The following KNDC1 variants were observed in gnomAD, a reference collection of about 807,000 sequenced individuals.
KNDC1 encodes kinase non-catalytic C-lobe domain-containing protein 1.
In KNDC1, 106 loss-of-function variants were observed where a neutral mutation model predicts 172.8. The ratio of observed to expected loss-of-function variants is 0.61; its 90% confidence interval spans 0.52 to 0.72. KNDC1 has a LOEUF of 0.72. Among genes scored for constraint, KNDC1 ranks in the 30% least tolerant of loss-of-function variants. The pLI, the probability that KNDC1 is intolerant of heterozygous loss-of-function variation, is 0.00. For missense variants in KNDC1, 2,325 were observed against 2,394.5 expected (o/e 0.97, Z 0.61); for synonymous variants, 1,083 against 1,062.2 (o/e 1.02, Z -0.38).
chr10:133,188,925 T>G (rs1272249627), intron 7 of KNDC1, among the ~76,000 whole-genome samples: 1 of 150,866 alleles, frequency 6.6e-6, no homozygotes, highest in Non-Finnish European at 1.5e-5. Context: ...CCGAGGGAGG[T>G]GTGGGGACAG....
intron 9 of KNDC1, among the ~76,000 whole-genome samples, chr10:133,192,417 G>C (rs1854089173): frequency 1.3e-5 from 2 of 152,186 alleles, no homozygotes; most frequent in African/African-American, 2.4e-5. Flanking sequence ...ATGATACCAA[G>C]AATCAGGAAG....
intron 6 of KNDC1, 92 bp downstream of exon 6, chr10:133,186,766 C>T (rs1435213000): frequency 1.2e-6 from 1 of 868,624 alleles, no homozygotes. Context: ...CTTTGTTTAA[C>T]TCAGAGAATT....
At chr10:133,188,168 C>A (rs1354783768) in intron 6 of KNDC1, among the ~76,000 whole-genome samples, 1 of 152,190 alleles carries the variant, frequency 6.6e-6, no homozygotes, top group Non-Finnish European at 1.5e-5. Context: ...TATTTCGAGC[C>A]GTGCTGCTGG....
intron 6 of KNDC1, among the ~76,000 whole-genome samples, chr10:133,187,382 G>T (rs555372862): frequency 6.6e-6 from 1 of 152,370 alleles, no homozygotes; most frequent in East Asian, 1.9e-4. Context: ...AGTGCATTTT[G>T]CCCTCCTTGG....
chr10:133,173,454 G>C (rs1853434844), intron 3 of KNDC1, among the ~76,000 whole-genome samples: 1 of 151,828 alleles, frequency 6.6e-6, no homozygotes, highest in African/African-American at 2.4e-5. Flanking sequence ...CAGCCTATGA[G>C]TTTGCCACAT....
intron 16 of KNDC1, among the ~76,000 whole-genome samples, chr10:133,201,224 C>T (rs372178462): frequency 4.6e-5 from 7 of 152,192 alleles, no homozygotes; most frequent in African/African-American, 7.2e-5. Context: ...GGCCCCACCC[C>T]GGGGCGAGTA....
chr10:133,203,537 C>T (rs866244688), intron 17 of KNDC1, among the ~76,000 whole-genome samples: 2 of 152,274 alleles, frequency 1.3e-5, no homozygotes, highest in African/African-American at 4.8e-5. Context: ...GCTGGAGCAG[C>T]CGGTGGGCAT....
At chr10:133,183,217 T>C (rs1853777308) in intron 3 of KNDC1, 127 bp from the exon 4 acceptor site, 1 of 1,185,506 alleles carries the variant, frequency 8.4e-7, no homozygotes, top group Non-Finnish European at 1.1e-6. Context: ...TGGGCACGGG[T>C]GCTGCTTCCC....
rs1845714505 is a variant in KNDC1 at position 133,226,188 on chromosome 10, C to G, written c.*1298C>G. 1 of 152,224 alleles carries G rather than the reference C, an allele frequency of 6.6e-6. No individual in the cohort carries two copies. The highest frequency in any genetic ancestry group is 6.5e-5 in the Admixed American group (1 of 15,286). The allele number at this position is 152,224 out of a possible 1,614,324, so 9.4% of individuals were successfully genotyped here. On this transcript the variant is annotated 3_prime_UTR_variant, in exon 30 of 30. Transcript: ENST00000304613. ...TGAGAGGAAGTCGGCGTCCTGGCCACGAAATGCAGTTCACTTTTTTTTAGG... is the reference window on the plus strand; with the variant it reads ...TGAGAGGAAGTCGGCGTCCTGGCCAGGAAATGCAGTTCACTTTTTTTTAGG...
rs749342226 is a variant in KNDC1, at chr10:133,183,439, G to A, written c.456G>A (p.Ala152=). The stretch of plus-strand genomic sequence containing the variant: ...CCAGGCTGAGCCAAGACCTCGAGGC[G>A]CTGCTGAGCCGGATGCAGGCGGAGG... ...LEPRLSQDLE[A]LLSRMQAEDP... The change falls in exon 4 of 30, where the codon GCG becomes GCA. Residue 152 remains alanine (A), a synonymous_variant. Transcript: ENST00000304613. 11 of 1,605,960 alleles carry A rather than the reference G, an allele frequency of 6.8e-6. No homozygotes were observed. Among genetic ancestry groups the A allele is most frequent in the East Asian group, 2.2e-5 (1 of 44,624 alleles).
chr10:133,197,501 C>CAT (rs1854227162), intron 11 of KNDC1, among the ~76,000 whole-genome samples, 174 bp from the exon 12 acceptor site: 1 of 152,230 alleles, frequency 6.6e-6, no homozygotes, highest in African/African-American at 2.4e-5. Flanking sequence ...GCCCCAACGG[C>CAT]TCCCTCTCCA....
intron 3 of KNDC1, among the ~76,000 whole-genome samples, chr10:133,169,734 C>T (rs556077921): frequency 2.6e-4 from 40 of 152,246 alleles, no homozygotes; most frequent in Non-Finnish European, 5.3e-4. Flanking sequence ...TGGCTGTGAA[C>T]GCAGCGCATG....
intron 17 of KNDC1, among the ~76,000 whole-genome samples, chr10:133,204,413 G>A (rs560670059): frequency 6.6e-6 from 1 of 152,350 alleles, no homozygotes; most frequent in African/African-American, 2.4e-5. Context: ...AGGCAGGGTC[G>A]CACTTGGCTG....
At chr10:133,223,242 A>T (rs75490483) in intron 29 of KNDC1, among the ~76,000 whole-genome samples, 273 of 9,852 alleles carry the variant, frequency 0.028, 132 homozygotes, top group Non-Finnish European at 0.08. Context: ...TGTGTGTGTG[A>T]GAGCCCATCC....
At position 133,163,715 on chromosome 10, in the gene KNDC1, CG is replaced by C. The variant is rs917954419; in HGVS notation, c.102+3152del. ...GCTCGAAGTCTGCCTGGCAGTGTGG[CG>C]GGGGGTGTGGGAGCTTTCTGAATGC... On this transcript the variant is annotated intron_variant, in intron 1 of 29. Coordinates refer to ENST00000304613, the MANE Select transcript of KNDC1 (RefSeq NM_152643.8). The surrounding 1 kb of genome is among the most constrained non-coding windows in gnomAD (Gnocchi z 4.4). Among the ~76,000 whole-genome samples the C allele has an allele frequency of 6.6e-6, 1 of 152,020 alleles. No homozygotes were observed. Among genetic ancestry groups the C allele is most frequent in the African/African-American group, 2.4e-5 (1 of 41,404 alleles).
rs141930388 is a variant in KNDC1 at position 133,188,625 on chromosome 10, C to T, written c.1413C>T (p.Arg471=). The change falls in exon 7 of 30, where the codon CGC becomes CGT. Residue 471 remains arginine (R), a synonymous_variant. Transcript: ENST00000304613. ...GGGCCCTGTGCCTGGCCTGCCTCCG[C>T]GCACTGCAGACACGCCCTGAGCACC... ...ELWALCLACL[R]ALQTRPEHPA... The T allele has an allele frequency of 1.4e-5, 22 of 1,595,474 alleles. No individual in the cohort carries two copies. Among genetic ancestry groups the T allele is most frequent in the East Asian group, 4.5e-5 (2 of 44,324 alleles).
At chr10:133,210,480 G>A (rs1260382443) in intron 20 of KNDC1, 131 bp from the exon 21 acceptor site, 6 of 585,456 alleles carry the variant, frequency 1.0e-5, no homozygotes, top group East Asian at 2.8e-5. Flanking sequence ...TAATTTCTCC[G>A]GGGATTCTCC....
At position 133,160,504 on chromosome 10, in the gene KNDC1, G is replaced by C; in HGVS notation, c.37G>C (p.Glu13Gln). 1 of 1,590,652 alleles carries C rather than the reference G, an allele frequency of 6.3e-7. No individual in the cohort carries two copies. Among genetic ancestry groups the C allele is most frequent in the Non-Finnish European group, 8.5e-7 (1 of 1,170,424 alleles). Residue 13 changes from glutamate (E) to glutamine (Q), a missense_variant, in exon 1 of 30, where the codon GAG becomes CAG. By Grantham distance (29) the Glu-to-Gln change is conservative. Transcript: ENST00000304613. ...GGACCCGGCCGCGGCGGATCTTTAC[G>C]AGGAGGACGGCAAAGACCTGGACTT... ...AMDPAAADLY[E>Q]EDGKDLDFYD...
intron 15 of KNDC1, among the ~76,000 whole-genome samples, chr10:133,199,985 C>A (rs891794950): frequency 6.6e-6 from 1 of 152,142 alleles, no homozygotes; most frequent in African/African-American, 2.4e-5. Flanking sequence ...CCAGACCCCA[C>A]AGGGCCCAGC....
Sources: allele counts gnomAD v4.1 joint callset (sites outside exome capture counted in the v4.1 genomes callset), GRCh38; gene constraint gnomAD v4.1.1; non-coding constraint Gnocchi (gnomAD v3.1); transcripts MANE v1.5; gene names NCBI Gene and HGNC (gene_info 2026-07-23, HGNC 2026-07-21).